FBXL19: variants seen among roughly 807,000 people sequenced by gnomAD.
FBXL19 encodes the protein F-box/LRR-repeat protein 19.
Under a neutral mutation model 71.2 loss-of-function variants are expected in FBXL19, and 16 were observed. That is an observed-to-expected ratio of 0.22 (90% CI 0.15 to 0.34). FBXL19 has a LOEUF of 0.34. Among genes scored for constraint, FBXL19 ranks in the 10% least tolerant of loss-of-function variants. The probability of loss-of-function intolerance (pLI) is 1.00; values close to 1 mark genes in which losing one functional copy is unlikely to be tolerated. For synonymous variants in FBXL19, 447 were observed against 409.4 expected (o/e 1.09, Z -1.11); for missense variants, 658 against 968.2 (o/e 0.68, Z 4.25).
At chr16:30,944,831 G>A (rs374921105) in intron 9 of FBXL19, among the ~76,000 whole-genome samples, 3 of 152,164 alleles carry the variant, frequency 2.0e-5, no homozygotes, top group South Asian at 2.1e-4. Context: ...CTCTCCAGGC[G>A]CTTGGCTCCT....
Position 30,936,614 on chromosome 16 carries a change from T to G in FBXL19, c.1302-5502T>G, listed in dbSNP as rs1420803378. Among the ~76,000 whole-genome samples the G allele has an allele frequency of 1.6e-4, 23 of 147,356 alleles. 1 individual carries two copies. The highest frequency in any genetic ancestry group is 3.5e-3 in the Middle Eastern group (1 of 286). On this transcript the variant is annotated intron_variant, in intron 7 of 10. Coordinates refer to ENST00000338343, the MANE Select transcript of FBXL19 (RefSeq NM_001382779.1). ...CTAATTTTTTTTCTTTTTTTTTTTTTTTTTTTGTTTTTTAGTAGAGACGGG... is the reference window on the plus strand; with the variant it reads ...CTAATTTTTTTTCTTTTTTTTTTTTGTTTTTTGTTTTTTAGTAGAGACGGG...
chr16:30,930,249 T>G lies in FBXL19; in HGVS notation c.966T>G (p.Ser322Arg). 6.2e-7 allele frequency: 1 copy of G among 1,612,862 alleles called. No individual in the cohort carries two copies. The highest frequency in any genetic ancestry group is 8.5e-7 in the Non-Finnish European group (1 of 1,179,850). ...SDSDSSGTSL[S>R]EDEAPGEARN... Reference sequence around the variant, plus strand: ...CCGACTCTTCGGGCACATCGCTGAGTGAGGACGAAGCCCCCGGCGAGGCCC... The same window carrying G: ...CCGACTCTTCGGGCACATCGCTGAGGGAGGACGAAGCCCCCGGCGAGGCCC... The change falls in exon 7 of 11, where the codon AGT (serine) becomes AGG (arginine). Residue 322 changes from serine (S) to arginine (R), a missense_variant. Physicochemically the swap from Ser to Arg is moderately radical, Grantham distance 110. Transcript: ENST00000338343. This position sits in a 1 kb window ranked among gnomAD's most constrained non-coding sequence, Gnocchi z 8.5.
intron 7 of FBXL19, among the ~76,000 whole-genome samples, chr16:30,940,697 C>T (rs1340874740): frequency 6.6e-6 from 1 of 152,068 alleles, no homozygotes; most frequent in Non-Finnish European, 1.5e-5. Flanking sequence ...GATGGAGTCT[C>T]TCACTGTTGC....
chr16:30,947,642 G>A lies in FBXL19; in HGVS notation c.*412G>A, dbSNP rs2055875859. On this transcript the variant is annotated 3_prime_UTR_variant, in exon 11 of 11. Coordinates refer to ENST00000338343, the MANE Select transcript of FBXL19 (RefSeq NM_001382779.1). ...GGCGGGGCAGACAGCAGACCACCAA[G>A]GGTTCAGGGAACAAAGACCAGTTAC... 3.2e-6 allele frequency: 1 copy of A among 316,712 alleles called. No homozygotes were observed. The highest frequency in any genetic ancestry group is 6.2e-6 in the Non-Finnish European group (1 of 161,862). 19.6% of individuals were successfully genotyped at this position (316,712 alleles called of 1,614,324 possible). A position where few individuals can be genotyped will look rare whatever the true frequency, so the allele number is the denominator to read the frequency against.
rs140893916 is a variant in FBXL19 at position 30,927,982 on chromosome 16, TCA to T, written c.627+21_627+22del. On this transcript the variant is annotated intron_variant, in intron 5 of 10. Transcript: ENST00000338343. ...GAAAAAGGTGAGCCACGGAGCACGCTCACTAGGCTTGTCCTGAGGAATTCTGG... is the reference window on the plus strand; with the variant it reads ...GAAAAAGGTGAGCCACGGAGCACGCTCTAGGCTTGTCCTGAGGAATTCTGG... 0.023 allele frequency: 32,397 copies of T among 1,437,508 alleles called. 3,373 individuals are homozygous for T. The African/African-American group carries it at 0.31, about 14-fold the overall frequency. The allele number at this position is 1,437,508 out of a possible 1,614,324, so 89.0% of individuals were successfully genotyped here.
chr16:30,940,240 A>G (rs2055786811), intron 7 of FBXL19, among the ~76,000 whole-genome samples: 1 of 151,184 alleles, frequency 6.6e-6, no homozygotes, highest in Non-Finnish European at 1.5e-5. Context: ...CCTGGGCAAC[A>G]AGAGCGAAAC....
chr16:30,937,533 C>A (rs1448907433), intron 7 of FBXL19, among the ~76,000 whole-genome samples: 1 of 152,066 alleles, frequency 6.6e-6, no homozygotes, highest in African/African-American at 2.4e-5. Flanking sequence ...ATCAGTAGGG[C>A]CCTCAGTGAC....
intron 7 of FBXL19, among the ~76,000 whole-genome samples, chr16:30,938,466 A>G (rs899190677): frequency 6.6e-6 from 1 of 152,180 alleles, no homozygotes; most frequent in African/African-American, 2.4e-5. Flanking sequence ...TGATTGCATC[A>G]CTGAGCTCTA....
Position 30,947,693 on chromosome 16 carries a change from C to G in FBXL19, c.*463C>G, listed in dbSNP as rs1368793561. On this transcript the variant is annotated 3_prime_UTR_variant, in exon 11 of 11. Coordinates refer to ENST00000338343, the MANE Select transcript of FBXL19 (RefSeq NM_001382779.1). ...TTGGAGTGGGGGGTGGGGGTGGGGC[C>G]ACAAAAGGAAAACCGGAGGAGCAAT... is the stretch of plus-strand genomic sequence containing the variant. 1 of 335,200 alleles carries G rather than the reference C, an allele frequency of 3.0e-6. No individual in the cohort carries two copies. The highest frequency in any genetic ancestry group is 5.9e-6 in the Non-Finnish European group (1 of 168,506). 20.8% of individuals were successfully genotyped at this position (335,200 alleles called of 1,614,324 possible).
intron 7 of FBXL19, among the ~76,000 whole-genome samples, chr16:30,933,916 C>T (rs1443925491): frequency 6.6e-6 from 1 of 151,980 alleles, no homozygotes; most frequent in Non-Finnish European, 1.5e-5. Flanking sequence ...CTATGCCTGG[C>T]TAATTTTGTA....
chr16:30,928,098 C>G, intron 5 of FBXL19, 135 bp downstream of exon 5: 1 of 608,774 alleles, frequency 1.6e-6, no homozygotes, highest in South Asian at 2.5e-5. Flanking sequence ...AGATGTAGTT[C>G]AGGAGTTGGG....
At position 30,928,493 on chromosome 16, in the gene FBXL19, G is replaced by A; in HGVS notation, c.654G>A (p.Leu218=). The change falls in exon 6 of 11, where the codon CTG becomes CTA. Residue 218 remains leucine (L), a synonymous_variant. Coordinates refer to ENST00000338343, the MANE Select transcript of FBXL19 (RefSeq NM_001382779.1). ...KKVKGGRERH[L]KKVGGDACLL... is the part of the protein sequence containing the mutation. ...TGAAAGGAGGCCGAGAGAGGCACCT[G>A]AAGAAGGTGGGTGGAGACGCCTGCC... 2 of 1,597,792 alleles carry A rather than the reference G, an allele frequency of 1.3e-6. No homozygotes were observed. The highest frequency in any genetic ancestry group is 1.7e-6 in the Non-Finnish European group (2 of 1,171,886).
chr16:30,947,963 G>A lies in FBXL19; in HGVS notation c.*733G>A. ...TCAGCTCGCGGCCCAGGGGAGTGGC[G>A]AGGGGCGCCCCAACCCCCTGCCCGC... is the stretch of plus-strand genomic sequence containing the variant. On this transcript the variant is annotated 3_prime_UTR_variant, in exon 11 of 11. Transcript: ENST00000338343. 2 of 420,416 alleles carry A rather than the reference G, an allele frequency of 4.8e-6. No individual in the cohort carries two copies. Among genetic ancestry groups the A allele is most frequent in the Non-Finnish European group, 4.8e-6 (1 of 210,230 alleles). The allele number at this position is 420,416 out of a possible 1,614,324, so 26.0% of individuals were successfully genotyped here.
At chr16:30,937,187 C>T (rs1022243611) in intron 7 of FBXL19, among the ~76,000 whole-genome samples, 5 of 152,036 alleles carry the variant, frequency 3.3e-5, no homozygotes, top group Non-Finnish European at 5.9e-5. Context: ...GCTGAAGTCA[C>T]TGTGATCAGC....
In FBXL19 at chr16:30,946,750, C is replaced by A; in HGVS notation, c.1648C>A (p.Arg550=). Residue 550 remains arginine (R), a synonymous_variant, in exon 10 of 11, where the codon CGG becomes AGG. Transcript: ENST00000338343. The surrounding 1 kb of genome is among the most constrained non-coding windows in gnomAD (Gnocchi z 6.7). ...CCCAGGGCAAACAGAGAGCCGTGGT[C>A]GGCTGCAGGGGGTGGCAGAACTGCG... ...TKPGQTESRG[R]LQGVAELRLA... The A allele has an allele frequency of 1.2e-6, 2 of 1,613,032 alleles. No homozygotes were observed. The highest frequency in any genetic ancestry group is 1.1e-5 in the South Asian group (1 of 90,926).
chr16:30,934,804 A>C (rs1401494378), intron 7 of FBXL19, among the ~76,000 whole-genome samples: 2 of 152,184 alleles, frequency 1.3e-5, no homozygotes, highest in Non-Finnish European at 2.9e-5. Flanking sequence ...AGGAAGGTAA[A>C]GAGCTCAGAT....
At chr16:30,935,731 G>A (rs765182160) in intron 7 of FBXL19, among the ~76,000 whole-genome samples, 21 of 152,108 alleles carry the variant, frequency 1.4e-4, no homozygotes, top group Non-Finnish European at 2.5e-4. Flanking sequence ...CCCTGTTCCC[G>A]GGGGCTTCTG....
At chr16:30,936,890 G>C (rs1196963891) in intron 7 of FBXL19, among the ~76,000 whole-genome samples, 3 of 151,062 alleles carry the variant, frequency 2.0e-5, no homozygotes, top group Non-Finnish European at 4.4e-5. Flanking sequence ...CTGCAGGCGC[G>C]TGCCACCACA....
In FBXL19 at chr16:30,936,605, T is replaced by C. The variant is rs1237679991; in HGVS notation, c.1302-5511T>C. ...CACGCCTGGCTAATTTTTTTTCTTT[T>C]TTTTTTTTTTTTTTTGTTTTTTAGT... On this transcript the variant is annotated intron_variant, in intron 7 of 10. Coordinates refer to ENST00000338343, the MANE Select transcript of FBXL19 (RefSeq NM_001382779.1). 2.8e-4 allele frequency among the ~76,000 whole-genome samples: 42 copies of C among 148,582 alleles called. No homozygotes were observed. The South Asian group carries it at 3.6e-3, about 13-fold the overall frequency.
Sources: gnomAD v4.1 joint callset for allele counts (sites outside exome capture counted in the v4.1 genomes callset) on GRCh38, gnomAD v4.1.1 for gene constraint, Gnocchi (gnomAD v3.1) non-coding constraint, MANE v1.5 for transcripts, NCBI Gene and HGNC (gene_info 2026-07-23, HGNC 2026-07-21) for gene names.